FKTN: variants seen among roughly 807,000 people sequenced by gnomAD.
FKTN encodes the protein fukutin.
In FKTN, 47 loss-of-function variants were observed where a neutral mutation model predicts 58.6. The observed-to-expected ratio is 0.80, with a 90% CI of 0.63 to 1.02. The LOEUF is 1.02. Ranked by LOEUF, FKTN falls within the 50% of genes least tolerant of loss-of-function variation. The probability of loss-of-function intolerance (pLI) is 0.00; values close to 1 mark genes in which losing one functional copy is unlikely to be tolerated. For missense variants in FKTN, 516 were observed against 537.3 expected (o/e 0.96, Z 0.39); for synonymous variants, 178 against 191.9 (o/e 0.93, Z 0.60).
chr9:105,595,152 G>A (rs1826532483), intron 3 of FKTN, among the ~76,000 whole-genome samples: 1 of 152,088 alleles, frequency 6.6e-6, no homozygotes, highest in Non-Finnish European at 1.5e-5. Context: ...GATAATTAGT[G>A]TTATGATTGG....
chr9:105,601,822 T>C (rs1176818702), intron 5 of FKTN, among the ~76,000 whole-genome samples: 1 of 152,222 alleles, frequency 6.6e-6, no homozygotes, highest in African/African-American at 2.4e-5. Context: ...AAGAATATTT[T>C]ATAATGTCCC....
In FKTN at chr9:105,579,792, T is replaced by G. The variant is rs201652814; in HGVS notation, c.105+4655T>G. On this transcript the variant is annotated intron_variant, in intron 3 of 10. Transcript: ENST00000357998. ...GTTAAAGTCTCCCATTATTAATGTGTGGGAGTCTAAGTCTCTTTGTAGGTC... is the reference window on the plus strand; with the variant it reads ...GTTAAAGTCTCCCATTATTAATGTGGGGGAGTCTAAGTCTCTTTGTAGGTC... Among the ~76,000 whole-genome samples the G allele has an allele frequency of 2.0e-5, 3 of 150,400 alleles. No homozygotes were observed. The East Asian group carries it at 5.8e-4, about 29-fold the overall frequency.
Position 105,640,759 on chromosome 9 carries a change from T to C in FKTN, c.*5495T>C, listed in dbSNP as rs188914517. ...AATTAGAAGTACTGTATTTTTGCTA[T>C]TGGAAATGAAATATTGTTTCATGCA... On this transcript the variant is annotated 3_prime_UTR_variant, in exon 11 of 11. Coordinates refer to ENST00000357998, the MANE Select transcript of FKTN (RefSeq NM_001079802.2). 1.3e-5 allele frequency: 2 copies of C among 152,254 alleles called. No homozygotes were observed. The highest frequency in any genetic ancestry group is 3.9e-4 in the East Asian group (2 of 5,188). 9.4% of individuals were successfully genotyped at this position (152,254 alleles called of 1,614,324 possible).
At chr9:105,611,812 T>G (rs1042152431) in intron 7 of FKTN, among the ~76,000 whole-genome samples, 32 of 152,184 alleles carry the variant, frequency 2.1e-4, no homozygotes, top group African/African-American at 7.2e-4. Flanking sequence ...AACACACACA[T>G]GTATGTGTCT....
intron 10 of FKTN, among the ~76,000 whole-genome samples, chr9:105,625,356 G>A (rs1467317868): frequency 6.6e-6 from 1 of 152,188 alleles, no homozygotes; most frequent in East Asian, 1.9e-4. Context: ...AAGAGACTTA[G>A]GGCCATGTAA....
intron 3 of FKTN, among the ~76,000 whole-genome samples, chr9:105,595,865 C>T (rs796418420): frequency 7.2e-5 from 11 of 152,302 alleles, no homozygotes; most frequent in African/African-American, 2.6e-4. Flanking sequence ...GCACTCAAGG[C>T]ATAAGAAACT....
chr9:105,599,284 T>G (rs1431777290), intron 4 of FKTN, among the ~76,000 whole-genome samples: 1 of 152,192 alleles, frequency 6.6e-6, no homozygotes, highest in African/African-American at 2.4e-5. Context: ...TTTTATTGAT[T>G]GATTTTCAAA....
At chr9:105,600,486 A>G (rs1827674224) in intron 4 of FKTN, among the ~76,000 whole-genome samples, 1 of 152,024 alleles carries the variant, frequency 6.6e-6, no homozygotes, top group South Asian at 2.1e-4. Context: ...GTCCATTTTC[A>G]TTCTACTGTT....
At chr9:105,568,949 T>G (rs1490010105) in intron 1 of FKTN, among the ~76,000 whole-genome samples, 3 of 152,052 alleles carry the variant, frequency 2.0e-5, no homozygotes, top group African/African-American at 7.3e-5. Context: ...CCATGAAATA[T>G]TATGCAGCCA....
chr9:105,587,724 A>G (rs1288556326), intron 3 of FKTN, among the ~76,000 whole-genome samples: 2 of 152,008 alleles, frequency 1.3e-5, no homozygotes, highest in Non-Finnish European at 2.9e-5. Context: ...TAGTCTTTCC[A>G]TTTTTTCATT....
At chr9:105,579,243 C>T (rs370020146) in intron 3 of FKTN, among the ~76,000 whole-genome samples, 24 of 151,468 alleles carry the variant, frequency 1.6e-4, no homozygotes, top group Admixed American at 5.9e-4. Context: ...CTCTAGTTCT[C>T]TTAATTGTGA....
intron 1 of FKTN, among the ~76,000 whole-genome samples, chr9:105,569,238 T>C (rs1203771860): frequency 6.6e-6 from 1 of 152,058 alleles, no homozygotes; most frequent in Non-Finnish European, 1.5e-5. Context: ...TGTATACATA[T>C]GTAACAAACC....
At chr9:105,607,527 G>GTATTTTGCT (rs1829118526) in intron 6 of FKTN, among the ~76,000 whole-genome samples, 1 of 151,972 alleles carries the variant, frequency 6.6e-6, no homozygotes, top group East Asian at 1.9e-4. Flanking sequence ...TGATGTTTAG[G>GTATTTTGCT]TATTTTGCTA....
At chr9:105,618,798 G>A (rs985025041) in intron 9 of FKTN, among the ~76,000 whole-genome samples, 10 of 152,108 alleles carry the variant, frequency 6.6e-5, no homozygotes, top group East Asian at 5.8e-4. Flanking sequence ...GGCTGGGCGC[G>A]GTGGCTCACG....
At chr9:105,600,327 A>G (rs1439932254) in intron 4 of FKTN, among the ~76,000 whole-genome samples, 1 of 152,126 alleles carries the variant, frequency 6.6e-6, no homozygotes, top group East Asian at 1.9e-4. Context: ...ATAAGAATTT[A>G]TTCTTAATTT....
In FKTN at chr9:105,639,606, C is replaced by T; in HGVS notation, c.*4342C>T. On this transcript the variant is annotated 3_prime_UTR_variant, in exon 11 of 11. Coordinates refer to ENST00000357998, the MANE Select transcript of FKTN (RefSeq NM_001079802.2). ...AGAAACCATGGGTCAGAACATATTC[C>T]TTTACTCAAAAGATTGCATGACTGA... 1 of 977,382 alleles carries T rather than the reference C, an allele frequency of 1.0e-6. No homozygotes were observed. The highest frequency in any genetic ancestry group is 1.2e-6 in the Non-Finnish European group (1 of 822,772). 60.5% of individuals were successfully genotyped at this position (977,382 alleles called of 1,614,324 possible). A position where few individuals can be genotyped will look rare whatever the true frequency, so the allele number is the denominator to read the frequency against.
At chr9:105,591,860 G>A (rs1844936124) in intron 3 of FKTN, among the ~76,000 whole-genome samples, 1 of 152,336 alleles carries the variant, frequency 6.6e-6, no homozygotes, top group Admixed American at 6.5e-5. Context: ...TGAAATCTAG[G>A]CAGAGGCTCT....
At chr9:105,579,597 A>G (rs1448113817) in intron 3 of FKTN, among the ~76,000 whole-genome samples, 7 of 150,228 alleles carry the variant, frequency 4.7e-5, no homozygotes, top group African/African-American at 1.2e-4. Flanking sequence ...TATGTGGTCA[A>G]TTTTGGAATA....
At position 105,563,437 on chromosome 9, in the gene FKTN, C is replaced by T. The variant is rs1004650974; in HGVS notation, c.-181+5272C>T. ...GGGGGACAAATGGCACCTGGAAAAT[C>T]GGGTCACTCCCACCCTAATACTGTG... On this transcript the variant is annotated intron_variant, in intron 1 of 10. Coordinates refer to ENST00000357998, the MANE Select transcript of FKTN (RefSeq NM_001079802.2). Among the ~76,000 whole-genome samples the T allele has an allele frequency of 3.9e-5, 6 of 152,202 alleles. No homozygotes were observed. In the East Asian group the frequency reaches 5.8e-4, roughly 15 times the overall value.
Sources: allele counts gnomAD v4.1 joint callset (sites outside exome capture counted in the v4.1 genomes callset), GRCh38; gene constraint gnomAD v4.1.1; transcripts MANE v1.5; gene names NCBI Gene and HGNC (gene_info 2026-07-23, HGNC 2026-07-21).